TMEM131: variants seen among roughly 807,000 people sequenced by gnomAD.
TMEM131 encodes 2610524E03Rik.
TMEM131 carries 66 observed loss-of-function variants against 211.6 expected under a neutral mutation model. That is an observed-to-expected ratio of 0.31 (90% CI 0.26 to 0.38). TMEM131 has a LOEUF of 0.38. Among genes scored for constraint, TMEM131 ranks in the 10% least tolerant of loss-of-function variants. The pLI, the probability that TMEM131 is intolerant of heterozygous loss-of-function variation, is 1.00. For synonymous variants in TMEM131, 844 were observed against 841.3 expected (o/e 1.00, Z -0.06); for missense variants, 2,036 against 2,299.3 (o/e 0.89, Z 2.34).
At chr2:97,854,365 A>T (rs1673754455) in intron 5 of TMEM131, among the ~76,000 whole-genome samples, 1 of 152,198 alleles carries the variant, frequency 6.6e-6, no homozygotes, top group Non-Finnish European at 1.5e-5. Context: ...GAAACAAAAA[A>T]ATTCTGTGAC....
chr2:97,759,259 A>G (rs2305142), intron 39 of TMEM131: 210,638 of 601,184 alleles, frequency 0.35, 39,564 homozygotes, highest in Middle Eastern at 0.51. Context: ...ATATGCCACC[A>G]ATGACATCCA....
chr2:97,990,572 T>C (rs1340280409), intron 1 of TMEM131, among the ~76,000 whole-genome samples: 1 of 152,228 alleles, frequency 6.6e-6, no homozygotes, highest in Non-Finnish European at 1.5e-5. Context: ...ATTAGGGTTT[T>C]ATGAGAATCT....
In TMEM131 at chr2:97,775,916, G is replaced by C. The variant is rs770210418; in HGVS notation, c.4247C>G (p.Ser1416Cys). The change falls in exon 32 of 41, where the codon TCT (serine) becomes TGT (cysteine). Residue 1416 changes from serine (S) to cysteine (C), a missense_variant. Ser to Cys is a moderately radical substitution (Grantham distance 112). Around this residue, in one of 3 missense-constraint regions of TMEM131, gnomAD observed 1,623 missense variants for 1,805.9 expected, o/e 0.90. Coordinates refer to ENST00000186436, the MANE Select transcript of TMEM131 (RefSeq NM_015348.2). Reference sequence around the variant, plus strand: ...GGAGGAGCTATCATCATCAGCCAAAGAGTCCTTCAGCTCATCTTCCTGTGG... The same window carrying C: ...GGAGGAGCTATCATCATCAGCCAAACAGTCCTTCAGCTCATCTTCCTGTGG... ...GKPQEDELKD[S>C]LADDDSSSTT... The C allele has an allele frequency of 6.2e-6, 10 of 1,613,956 alleles. No homozygotes were observed. Among genetic ancestry groups the C allele is most frequent in the South Asian group, 5.5e-5 (5 of 91,072 alleles).
At chr2:97,954,518 A>T (rs1678470155) in intron 1 of TMEM131, among the ~76,000 whole-genome samples, 1 of 152,226 alleles carries the variant, frequency 6.6e-6, no homozygotes, top group African/African-American at 2.4e-5. Context: ...GAAGAGAAAG[A>T]TCTCAGCCGG....
intron 15 of TMEM131, 87 bp from the exon 16 acceptor site, chr2:97,812,836 A>T: frequency 1.4e-6 from 1 of 730,706 alleles, no homozygotes; most frequent in Non-Finnish European, 2.1e-6. Flanking sequence ...TTAAAGATGT[A>T]TTAAAGTTCC....
In TMEM131 at chr2:97,757,277, G is replaced by GT; in HGVS notation, c.5473dup (p.Thr1825AsnfsTer26). The GT allele has an allele frequency of 6.2e-7, 1 of 1,613,970 alleles. No homozygotes were observed. Among genetic ancestry groups the GT allele is most frequent in the South Asian group, 1.1e-5 (1 of 91,084 alleles). On this transcript the variant is annotated frameshift_variant, in exon 41 of 41. Coordinates refer to ENST00000186436, the MANE Select transcript of TMEM131 (RefSeq NM_015348.2). LOFTEE classifies it high-confidence loss of function. Reference sequence around the variant, plus strand: ...GCCCATGAGGCCGATGCTTGCCAGCGTGTTTGCTGGAGTGGTGAAGGGAAG... The same window carrying GT: ...GCCCATGAGGCCGATGCTTGCCAGCGTTGTTTGCTGGAGTGGTGAAGGGAAG...
intron 1 of TMEM131, among the ~76,000 whole-genome samples, chr2:97,991,983 T>A (rs948942166): frequency 7.9e-5 from 12 of 152,116 alleles, no homozygotes; most frequent in African/African-American, 2.7e-4. Context: ...ACACACTTTT[T>A]CCAACTACAA....
intron 1 of TMEM131, among the ~76,000 whole-genome samples, chr2:97,974,965 C>T (rs983950509): frequency 2.6e-5 from 4 of 152,064 alleles, no homozygotes; most frequent in African/African-American, 9.7e-5. Context: ...AGCACTACAA[C>T]CAACCTGACT....
In TMEM131 at chr2:97,799,271, T is replaced by TA. The variant is rs200143558; in HGVS notation, c.2719-1756dup. On this transcript the variant is annotated intron_variant, in intron 25 of 40. Coordinates refer to ENST00000186436, the MANE Select transcript of TMEM131 (RefSeq NM_015348.2). ...TTTTTCAGTGTCATTCATTTGTATTTAAAAAAAAAAAAAGTCCTCGATTAT... is the reference window on the plus strand; with the variant it reads ...TTTTTCAGTGTCATTCATTTGTATTTAAAAAAAAAAAAAAGTCCTCGATTAT... Among the ~76,000 whole-genome samples the TA allele has an allele frequency of 5.5e-3, 783 of 143,290 alleles. 31 individuals are homozygous for TA. In the East Asian group the frequency reaches 0.1, roughly 18 times the overall value. 94.0% of individuals were successfully genotyped at this position (143,290 alleles called of 152,430 possible). A position where few individuals can be genotyped will look rare whatever the true frequency, so the allele number is the denominator to read the frequency against.
chr2:97,938,466 C>A (rs1484692286), intron 1 of TMEM131, among the ~76,000 whole-genome samples: 1 of 152,174 alleles, frequency 6.6e-6, no homozygotes, highest in African/African-American at 2.4e-5. Flanking sequence ...ATCAATTCAA[C>A]AAGAAGAACT....
intron 1 of TMEM131, among the ~76,000 whole-genome samples, chr2:97,954,806 C>CAAAAAAAA (rs778680522): frequency 2.7e-5 from 1 of 37,018 alleles, no homozygotes. Context: ...AACTCCATCT[C>CAAAAAAAA]AAAAAAAAAA....
chr2:97,789,788 G>C (rs930742120), intron 31 of TMEM131, among the ~76,000 whole-genome samples: 9 of 152,184 alleles, frequency 5.9e-5, no homozygotes, highest in African/African-American at 2.2e-4. Context: ...AGTGTTAGAG[G>C]GGGGAGAAAC....
chr2:97,900,961 G>T (rs1348481999), intron 3 of TMEM131, among the ~76,000 whole-genome samples: 3 of 152,084 alleles, frequency 2.0e-5, no homozygotes, highest in Non-Finnish European at 4.4e-5. Context: ...CATTCCTGAT[G>T]ACTGGCCATG....
chr2:97,783,918 C>A (rs1417531285), intron 31 of TMEM131, among the ~76,000 whole-genome samples: 1 of 151,378 alleles, frequency 6.6e-6, no homozygotes, highest in Non-Finnish European at 1.5e-5. Flanking sequence ...GAAAAAAAAT[C>A]ATGGAAACAT....
chr2:97,900,236 T>C lies in TMEM131; in HGVS notation c.290+8422A>G, dbSNP rs117851789. 1.1e-4 allele frequency among the ~76,000 whole-genome samples: 16 copies of C among 152,230 alleles called. No homozygotes were observed. In the East Asian group the frequency reaches 3.1e-3, roughly 29 times the overall value. ...TGTGAAATACTGTTTCTACTGAACA[T>C]ATACTGTGCTTTGGCACCATCATAA... On this transcript the variant is annotated intron_variant, in intron 3 of 40. Coordinates refer to ENST00000186436, the MANE Select transcript of TMEM131 (RefSeq NM_015348.2).
At chr2:97,773,219 T>C (rs1679549764) in intron 32 of TMEM131, among the ~76,000 whole-genome samples, 1 of 152,218 alleles carries the variant, frequency 6.6e-6, no homozygotes, top group African/African-American at 2.4e-5. Flanking sequence ...GGTTTAATGC[T>C]AAGCTAACAG....
chr2:97,770,442 T>C (rs1040603811), intron 33 of TMEM131, among the ~76,000 whole-genome samples: 2 of 152,194 alleles, frequency 1.3e-5, no homozygotes, highest in African/African-American at 4.8e-5. Flanking sequence ...CTGGTAATGA[T>C]TTATCTTTTA....
chr2:97,926,359 G>A (rs995983137), intron 2 of TMEM131, among the ~76,000 whole-genome samples: 2 of 152,048 alleles, frequency 1.3e-5, no homozygotes, highest in South Asian at 2.1e-4. Context: ...ATTTAAAATC[G>A]TTAAACCTAT....
intron 31 of TMEM131, among the ~76,000 whole-genome samples, chr2:97,788,804 T>G (rs181624279): frequency 5.7e-4 from 87 of 152,296 alleles, no homozygotes; most frequent in Non-Finnish European, 9.1e-4. Context: ...CAAGTGTGGA[T>G]CAGCACCACT....
Sources: allele counts gnomAD v4.1 joint callset (sites outside exome capture counted in the v4.1 genomes callset), GRCh38; gene constraint gnomAD v4.1.1; regional missense constraint gnomAD v4.1.1; transcripts MANE v1.5; gene names NCBI Gene and HGNC (gene_info 2026-07-23, HGNC 2026-07-21).